The following TSPAN15 variants were observed in gnomAD, a reference collection of about 807,000 sequenced individuals.
TSPAN15 encodes tetraspanin 15.
A neutral mutation model predicts 34.5 loss-of-function variants in TSPAN15; 20 were observed. The observed-to-expected ratio is 0.58, with a 90% CI of 0.41 to 0.84. TSPAN15 has a LOEUF of 0.84. Ranked by LOEUF, TSPAN15 falls within the 40% of genes least tolerant of loss-of-function variation. The pLI is 0.00. For synonymous variants in TSPAN15, 155 were observed against 153.9 expected (o/e 1.01, Z -0.05); for missense variants, 313 against 386.1 (o/e 0.81, Z 1.59).
At chr10:69,474,183 G>A (rs1021349096) in intron 1 of TSPAN15, among the ~76,000 whole-genome samples, 2 of 39,074 alleles carry the variant, frequency 5.1e-5, no homozygotes, top group African/African-American at 2.0e-4. Flanking sequence ...TCTCCCCACC[G>A]CCTGCTCCTT....
intron 3 of TSPAN15, chr10:69,494,667 C>A (rs775591871): frequency 1.3e-4 from 128 of 985,328 alleles, no homozygotes; most frequent in Admixed American, 6.1e-4. Flanking sequence ...GCGATGGGGC[C>A]TGGAACCAGG....
rs777109697 is a variant in TSPAN15, at chr10:69,495,621, C to T, written c.385C>T (p.Arg129Ter). 8.7e-6 allele frequency: 14 copies of T among 1,613,490 alleles called. No individual in the cohort carries two copies. Among genetic ancestry groups the T allele is most frequent in the African/African-American group, 8.0e-5 (6 of 74,876 alleles). The change falls in exon 4 of 8, where the codon CGA becomes TGA. Residue 129 changes from arginine to a stop codon, truncating the protein, a stop_gained. Transcript: ENST00000373290. LOFTEE classifies it high-confidence loss of function. ...CATTGACTTCCTGAACGACAACATTCGAAGAGGAATTGAGAACTACTATGA... is the reference window on the plus strand; with the variant it reads ...CATTGACTTCCTGAACGACAACATTTGAAGAGGAATTGAGAACTACTATGA... ...QTIDFLNDNI[R>*]RGIENYYDDL...
the TSPAN15 span, among the ~76,000 whole-genome samples, chr10:69,536,961 G>T: frequency 1.3e-5 from 2 of 150,332 alleles, no homozygotes; most frequent in South Asian, 2.1e-4. Flanking sequence ...TCCAGCCTGG[G>T]CAAGAAGAGT....
In TSPAN15 at chr10:69,506,867, G is replaced by C. The variant is rs1842338020; in HGVS notation, c.774G>C (p.Arg258=). The change falls in exon 8 of 8, where the codon CGG becomes CGC. Residue 258 remains arginine (R), a synonymous_variant. Coordinates refer to ENST00000373290, the MANE Select transcript of TSPAN15 (RefSeq NM_012339.5). The surrounding 1 kb of genome is among the most constrained non-coding windows in gnomAD (Gnocchi z 4.7). ...TGCTGACGCTGCTGTACATCACCCG[G>C]GTGGAGGACATCATCATGGAGCACT... The part of the protein sequence containing the change: ...GVLLTLLYIT[R]VEDIIMEHSV... The C allele has an allele frequency of 1.9e-6, 3 of 1,600,274 alleles. No homozygotes were observed. The highest frequency in any genetic ancestry group is 2.6e-6 in the Non-Finnish European group (3 of 1,173,984).
chr10:69,508,458 A>G (rs1202268215), downstream of TSPAN15, among the ~76,000 whole-genome samples: 1 of 143,986 alleles, frequency 6.9e-6, no homozygotes, highest in African/African-American at 2.5e-5. Flanking sequence ...AAAAAAAAAA[A>G]AAAAAAAAAA....
At chr10:69,465,864 G>A (rs557916242) in intron 1 of TSPAN15, among the ~76,000 whole-genome samples, 19 of 151,842 alleles carry the variant, frequency 1.3e-4, no homozygotes, top group Non-Finnish European at 2.6e-4. Flanking sequence ...GATCCTCCCC[G>A]AAGCTCTGCG....
chr10:69,475,409 C>T (rs916914629), intron 1 of TSPAN15, among the ~76,000 whole-genome samples: 1 of 152,162 alleles, frequency 6.6e-6, no homozygotes, highest in Admixed American at 6.5e-5. Flanking sequence ...CCTTCAGAGT[C>T]CTTCTCTGGT....
chr10:69,524,431 A>G, the TSPAN15 span, among the ~76,000 whole-genome samples: 1 of 147,498 alleles, frequency 6.8e-6, no homozygotes, highest in Non-Finnish European at 1.5e-5. Flanking sequence ...GCACCATTGC[A>G]CTCCAGCCTG....
the TSPAN15 span, among the ~76,000 whole-genome samples, chr10:69,530,810 CTCTCTCTCTCTATATATATATA>C: frequency 4.1e-3 from 278 of 68,566 alleles, 1 homozygote; most frequent in Non-Finnish European, 6.8e-3. Flanking sequence ...CTCTCTCTCT[CTCTCTCTCTCTATATATATATA>C]TATATATATA....
At chr10:69,489,821 A>C (rs1035059242) in intron 3 of TSPAN15, among the ~76,000 whole-genome samples, 2 of 152,238 alleles carry the variant, frequency 1.3e-5, no homozygotes, top group Non-Finnish European at 2.9e-5. Context: ...CCTTAGGAGC[A>C]GGAGAAGTAC....
At chr10:69,490,755 AT>A (rs1417909469) in intron 3 of TSPAN15, among the ~76,000 whole-genome samples, 1 of 152,186 alleles carries the variant, frequency 6.6e-6, no homozygotes, top group African/African-American at 2.4e-5. Flanking sequence ...AAAAACCCAG[AT>A]ACCTAATACA....
chr10:69,458,290 T>C (rs1318636040), intron 1 of TSPAN15, among the ~76,000 whole-genome samples: 1 of 152,222 alleles, frequency 6.6e-6, no homozygotes, highest in Admixed American at 6.5e-5. Context: ...AGCTTTATTA[T>C]TTTTGTGAAA....
At chr10:69,489,448 A>T (rs1564610998) in intron 3 of TSPAN15, among the ~76,000 whole-genome samples, 1 of 152,236 alleles carries the variant, frequency 6.6e-6, no homozygotes, top group Non-Finnish European at 1.5e-5. Flanking sequence ...TTAAGAGATT[A>T]AAGTAAGACA....
At chr10:69,464,366 C>G (rs1364965319) in intron 1 of TSPAN15, among the ~76,000 whole-genome samples, 1 of 151,822 alleles carries the variant, frequency 6.6e-6, no homozygotes, top group Non-Finnish European at 1.5e-5. Flanking sequence ...TGCTGAAAAC[C>G]AAGGGGGAAG....
the TSPAN15 span, among the ~76,000 whole-genome samples, chr10:69,543,099 T>C: frequency 8.5e-5 from 13 of 152,200 alleles, no homozygotes; most frequent in African/African-American, 3.1e-4. Context: ...TTTCTTTGCT[T>C]TGCCTAGAAG....
At chr10:69,457,461 A>T (rs539452874) in intron 1 of TSPAN15, among the ~76,000 whole-genome samples, 9 of 152,328 alleles carry the variant, frequency 5.9e-5, no homozygotes, top group Admixed American at 5.9e-4. Flanking sequence ...ATAACAGGGT[A>T]GGACTTTCAA....
At chr10:69,486,679 A>C (rs1193475010) in intron 3 of TSPAN15, among the ~76,000 whole-genome samples, 1 of 152,192 alleles carries the variant, frequency 6.6e-6, no homozygotes, top group Non-Finnish European at 1.5e-5. Context: ...CAGACCTCTC[A>C]GATGGCCCAG....
chr10:69,495,315 G>T, intron 3 of TSPAN15: 1 of 371,082 alleles, frequency 2.7e-6, no homozygotes, highest in East Asian at 5.5e-5. Context: ...GCCTCTCAGG[G>T]CCTGGGCTGT....
intron 1 of TSPAN15, among the ~76,000 whole-genome samples, chr10:69,483,179 AG>A (rs1053234772): frequency 4.6e-5 from 7 of 152,030 alleles, no homozygotes; most frequent in South Asian, 2.1e-4. Flanking sequence ...TAGTAGAGAC[AG>A]GGTTTCACAG....
Sources: gnomAD v4.1 joint callset for allele counts (sites outside exome capture counted in the v4.1 genomes callset) on GRCh38, gnomAD v4.1.1 for gene constraint, Gnocchi (gnomAD v3.1) non-coding constraint, MANE v1.5 for transcripts, NCBI Gene and HGNC (gene_info 2026-07-23, HGNC 2026-07-21) for gene names.